RBFOX1: variants seen among roughly 807,000 people sequenced by gnomAD.
The protein encoded by RBFOX1 is RNA binding fox-1 homolog 1, also known as RNA binding protein fox-1 homolog 1.
RBFOX1 carries 8 observed loss-of-function variants against 57.7 expected under a neutral mutation model. The observed-to-expected ratio is 0.14, with a 90% CI of 0.08 to 0.25. The LOEUF is 0.25. Ranked by LOEUF, RBFOX1 falls within the 10% of genes least tolerant of loss-of-function variation. The pLI is 1.00. For synonymous variants in RBFOX1, 326 were observed against 222.4 expected (o/e 1.47, Z -4.15); for missense variants, 611 against 548.5 (o/e 1.11, Z -1.14).
intron 4 of RBFOX1, among the ~76,000 whole-genome samples, chr16:7,509,426 G>C (rs2159536): frequency 0.68 from 99,980 of 146,708 alleles, 35,736 homozygotes; most frequent in Middle Eastern, 0.83. Flanking sequence ...GTGTGTGTGT[G>C]TGTGTCTGTG....
At chr16:6,760,320 A>C (rs566493333) in intron 3 of RBFOX1, among the ~76,000 whole-genome samples, 1 of 152,278 alleles carries the variant, frequency 6.6e-6, no homozygotes, top group South Asian at 2.1e-4. Context: ...TCTGTTATCT[A>C]TGAAGGTGGA....
intron 3 of RBFOX1, among the ~76,000 whole-genome samples, chr16:5,846,369 G>T (rs1159120886): frequency 1.3e-5 from 2 of 152,114 alleles, no homozygotes; most frequent in Non-Finnish European, 2.9e-5. Flanking sequence ...GGGGAAAGGT[G>T]TAGGGAAAGG....
At chr16:5,392,011 C>G (rs987365862) in intron 1 of RBFOX1, among the ~76,000 whole-genome samples, 4 of 151,958 alleles carry the variant, frequency 2.6e-5, no homozygotes, top group African/African-American at 9.7e-5. Flanking sequence ...AGACATTATT[C>G]TAAGTGAAGT....
chr16:7,696,956 G>T (rs912603625), intron 14 of RBFOX1, among the ~76,000 whole-genome samples: 1 of 152,156 alleles, frequency 6.6e-6, no homozygotes, highest in Non-Finnish European at 1.5e-5. Flanking sequence ...ACGGATATGA[G>T]TACAGGTGAG....
At chr16:5,966,186 C>A (rs890224960) in intron 4 of RBFOX1, among the ~76,000 whole-genome samples, 6 of 151,712 alleles carry the variant, frequency 4.0e-5, no homozygotes, top group Non-Finnish European at 7.3e-5. Context: ...CTCATAAAGC[C>A]ACCGTGAGTG....
chr16:6,374,717 G>A (rs1459115264), intron 2 of RBFOX1, among the ~76,000 whole-genome samples: 2 of 152,200 alleles, frequency 1.3e-5, no homozygotes, highest in Non-Finnish European at 2.9e-5. Context: ...CGAAGAGACT[G>A]TTATTGCCAC....
intron 2 of RBFOX1, among the ~76,000 whole-genome samples, chr16:6,581,477 C>G (rs943615397): frequency 1.3e-5 from 2 of 152,180 alleles, no homozygotes; most frequent in East Asian, 1.9e-4. Context: ...AAGCCTTGCT[C>G]TTTTCCATGC....
At chr16:6,756,818 A>T (rs374865734) in intron 3 of RBFOX1, among the ~76,000 whole-genome samples, 75 of 152,034 alleles carry the variant, frequency 4.9e-4, no homozygotes, top group African/African-American at 1.8e-3. Flanking sequence ...CTAAAAATAC[A>T]ACAAAAATTA....
At chr16:6,551,080 T>G (rs1431095728) in intron 2 of RBFOX1, among the ~76,000 whole-genome samples, 1 of 152,212 alleles carries the variant, frequency 6.6e-6, no homozygotes, top group Non-Finnish European at 1.5e-5. Context: ...CCTGGACCCA[T>G]TTTATGTGAT....
At chr16:6,985,492 A>T (rs1361052983) in intron 3 of RBFOX1, among the ~76,000 whole-genome samples, 1 of 152,146 alleles carries the variant, frequency 6.6e-6, no homozygotes. Flanking sequence ...TTAAAAAATT[A>T]ATTAACTAAA....
intron 2 of RBFOX1, among the ~76,000 whole-genome samples, chr16:6,555,556 C>T (rs9674216): frequency 0.096 from 14,546 of 151,894 alleles, 1,779 homozygotes; most frequent in African/African-American, 0.29. Context: ...AAAAATTAGC[C>T]GGGCGTGGTG....
At chr16:7,004,708 G>A (rs1262146377) in intron 3 of RBFOX1, among the ~76,000 whole-genome samples, 1 of 152,212 alleles carries the variant, frequency 6.6e-6, no homozygotes, top group Non-Finnish European at 1.5e-5. Flanking sequence ...TAACCAGGAA[G>A]ATGTATGGTG....
intron 2 of RBFOX1, among the ~76,000 whole-genome samples, chr16:6,468,414 T>G (rs924723940): frequency 2.6e-5 from 4 of 152,176 alleles, no homozygotes; most frequent in African/African-American, 9.7e-5. Context: ...CCCGCAACGA[T>G]GTTGTAAAGA....
intron 4 of RBFOX1, among the ~76,000 whole-genome samples, chr16:5,868,978 A>AG (rs1445651279): frequency 1.3e-5 from 2 of 152,182 alleles, no homozygotes; most frequent in Non-Finnish European, 2.9e-5. Flanking sequence ...TCCTTAAAAA[A>AG]ATTTTGTGAT....
intron 1 of RBFOX1, among the ~76,000 whole-genome samples, chr16:6,174,866 T>C (rs2096991504): frequency 6.6e-6 from 1 of 152,288 alleles, no homozygotes; most frequent in South Asian, 2.1e-4. Context: ...TGAGAATAGT[T>C]GGGAGGTCAT....
At chr16:7,124,361 C>T (rs889004656) in intron 4 of RBFOX1, among the ~76,000 whole-genome samples, 1 of 152,098 alleles carries the variant, frequency 6.6e-6, no homozygotes, top group African/African-American at 2.4e-5. Flanking sequence ...CTGCAGTAAG[C>T]CAAGATCACA....
chr16:7,544,509 G>A (rs1043875727), intron 5 of RBFOX1, among the ~76,000 whole-genome samples: 3 of 152,150 alleles, frequency 2.0e-5, no homozygotes, highest in Non-Finnish European at 2.9e-5. Flanking sequence ...ATGTCAAGAC[G>A]CACAAAGGTA....
intron 4 of RBFOX1, among the ~76,000 whole-genome samples, chr16:7,109,653 G>T (rs1160351567): frequency 6.6e-6 from 1 of 152,138 alleles, no homozygotes; most frequent in African/African-American, 2.4e-5. Flanking sequence ...ATCCATATAG[G>T]CGCAGATAGT....
chr16:7,003,110 A>T (rs1300266883), intron 3 of RBFOX1, among the ~76,000 whole-genome samples: 2 of 152,068 alleles, frequency 1.3e-5, no homozygotes, highest in African/African-American at 4.8e-5. Context: ...GTCTTGCAGG[A>T]GCATTGCGTA....
Sources: gnomAD v4.1 joint callset for allele counts (sites outside exome capture counted in the v4.1 genomes callset) on GRCh38, gnomAD v4.1.1 for gene constraint, MANE v1.5 for transcripts, NCBI Gene and HGNC (gene_info 2026-07-23, HGNC 2026-07-21) for gene names.